TPH1: variants seen among roughly 807,000 people sequenced by gnomAD.
TPH1 encodes the protein tryptophan 5-hydroxylase 1.
Under a neutral mutation model 49.5 loss-of-function variants are expected in TPH1, and 37 were observed. The ratio of observed to expected loss-of-function variants is 0.75; its 90% confidence interval spans 0.58 to 0.98. The LOEUF (loss-of-function observed/expected upper bound fraction) is 0.98. TPH1 is among the 50% of genes least tolerant of loss of function. TPH1 has a pLI of 0.00. For synonymous variants in TPH1, 160 were observed against 182.1 expected (o/e 0.88, Z 0.98); for missense variants, 487 against 523.6 (o/e 0.93, Z 0.68).
In TPH1 at chr11:18,040,700, A is replaced by T. The variant is rs749705408; in HGVS notation, c.63T>A (p.Ile21=). 7 of 1,612,654 alleles carry T rather than the reference A, an allele frequency of 4.3e-6. No homozygotes were observed. The South Asian group carries it at 7.7e-5, about 18-fold the overall frequency. The change falls in exon 2 of 11, where the codon ATT becomes ATA. Residue 21 remains isoleucine (I), a synonymous_variant. Coordinates refer to ENST00000682019, the MANE Select transcript of TPH1 (RefSeq NM_004179.3). The part of the protein sequence containing the change: ...HSLERGRASL[I]FSLKNEVGGL... ...CTCCAACTTCATTCTTTAAGGAAAA[A>T]ATGAGACTTGCTCTTCCCCTTTCTA...
In TPH1 at chr11:18,017,694, T is replaced by G. The variant is rs929069280; in HGVS notation, c.*3297A>C. ...TAAACACTTCCTATGAATTAACATATGGACTCTATCATATGTTCCTTTAGA... is the reference window on the plus strand; with the variant it reads ...TAAACACTTCCTATGAATTAACATAGGGACTCTATCATATGTTCCTTTAGA... On this transcript the variant is annotated 3_prime_UTR_variant, in exon 11 of 11. Transcript: ENST00000682019. The G allele has an allele frequency of 6.6e-6, 1 of 152,324 alleles. No homozygotes were observed. The highest frequency in any genetic ancestry group is 2.1e-4 in the South Asian group (1 of 4,826). 9.4% of individuals were successfully genotyped at this position (152,324 alleles called of 1,614,324 possible). A position where few individuals can be genotyped will look rare whatever the true frequency, so the allele number is the denominator to read the frequency against.
At chr11:18,044,649 T>C (rs1423816007) in intron 1 of TPH1, among the ~76,000 whole-genome samples, 1 of 152,122 alleles carries the variant, frequency 6.6e-6, no homozygotes, top group African/African-American at 2.4e-5. Flanking sequence ...CAGTTATTTT[T>C]TCCTCCAGTT....
chr11:18,037,011 A>C (rs1030234491), intron 2 of TPH1, among the ~76,000 whole-genome samples: 1 of 152,188 alleles, frequency 6.6e-6, no homozygotes, highest in Non-Finnish European at 1.5e-5. Flanking sequence ...TTACGACTTA[A>C]GAGAGAGTAG....
intron 1 of TPH1, among the ~76,000 whole-genome samples, chr11:18,042,707 A>T (rs1412237970): frequency 6.6e-6 from 1 of 152,214 alleles, no homozygotes; most frequent in Non-Finnish European, 1.5e-5. Flanking sequence ...ATCTCAAGTA[A>T]TGGGGAATAT....
intron 3 of TPH1, among the ~76,000 whole-genome samples, chr11:18,035,708 G>A (rs1439331923): frequency 6.6e-6 from 1 of 152,046 alleles, no homozygotes; most frequent in East Asian, 1.9e-4. Context: ...TTACAGGCAT[G>A]AGCCACCACA....
intron 1 of TPH1, among the ~76,000 whole-genome samples, chr11:18,043,266 T>C (rs1189906652): frequency 6.6e-6 from 1 of 152,198 alleles, no homozygotes; most frequent in East Asian, 1.9e-4. Flanking sequence ...CCTGATAATT[T>C]GTCTTTCAAC....
At chr11:18,045,283 T>C (rs1284403073) in intron 1 of TPH1, among the ~76,000 whole-genome samples, 1 of 151,996 alleles carries the variant, frequency 6.6e-6, no homozygotes, top group Non-Finnish European at 1.5e-5. Flanking sequence ...AAAGTGTAGA[T>C]GAAATACAAA....
At chr11:18,021,814 C>T (rs942147359) in intron 10 of TPH1, among the ~76,000 whole-genome samples, 2 of 152,132 alleles carry the variant, frequency 1.3e-5, no homozygotes, top group Admixed American at 6.6e-5. Flanking sequence ...TTGAACCTCT[C>T]ATTTGGCACC....
At chr11:18,035,393 TTTC>T (rs1331354925) in intron 3 of TPH1, among the ~76,000 whole-genome samples, 631 of 56,220 alleles carry the variant, frequency 0.011, 3 homozygotes, top group African/African-American at 0.042. Context: ...TTTCTTTCTT[TTTC>T]TTTCTTTTTT....
intron 4 of TPH1, among the ~76,000 whole-genome samples, chr11:18,031,923 T>G (rs1246979769): frequency 6.6e-5 from 10 of 152,176 alleles, no homozygotes; most frequent in Non-Finnish European, 1.3e-4. Flanking sequence ...CTAGTGCACT[T>G]TTTACATTTT....
intron 4 of TPH1, 107 bp downstream of exon 4, chr11:18,033,167 C>T: frequency 2.3e-6 from 2 of 855,594 alleles, no homozygotes; most frequent in Non-Finnish European, 4.0e-6. Context: ...GCAGGAGAAT[C>T]ACTTGAACCC....
chr11:18,031,115 C>A (rs1346905059), intron 4 of TPH1, among the ~76,000 whole-genome samples: 1 of 152,182 alleles, frequency 6.6e-6, no homozygotes, highest in East Asian at 1.9e-4. Context: ...AATCACTCTC[C>A]AACTCCACCC....
At chr11:18,025,806 ATAATACTTTAG>A (rs1397058478) in intron 7 of TPH1, 105 bp from the exon 8 acceptor site, 1 of 1,501,510 alleles carries the variant, frequency 6.7e-7, no homozygotes, top group African/African-American at 1.4e-5. Flanking sequence ...TGATCGGGTG[ATAATACTTTAG>A]TAATGGATCA....
At position 18,021,154 on chromosome 11, in the gene TPH1, T is replaced by A. The variant is rs770403428; in HGVS notation, c.1172A>T (p.Lys391Ile). ...CACTCCAAATGGACGCTTAATTGTT[T>A]TGGTAAATTCTCTATTTAAGAAAAC... is the stretch of plus-strand genomic sequence containing the variant. ...DAKEKMREFT[K>I]TIKRPFGVKY... The change falls in exon 11 of 11, where the codon AAA (lysine) becomes ATA (isoleucine). Residue 391 changes from lysine to isoleucine, a missense_variant. By Grantham distance (102) the Lys-to-Ile change is moderately radical (BLOSUM62 -3). Transcript: ENST00000682019. 1.9e-6 allele frequency: 3 copies of A among 1,613,970 alleles called. No homozygotes were observed. The highest frequency in any genetic ancestry group is 2.5e-6 in the Non-Finnish European group (3 of 1,179,824).
intron 9 of TPH1, 156 bp from the exon 10 acceptor site, chr11:18,023,087 A>C: frequency 1.3e-6 from 1 of 772,952 alleles, no homozygotes; most frequent in Non-Finnish European, 2.1e-6. Flanking sequence ...AACCCACAGT[A>C]CACTCCAGCA....
chr11:18,036,101 T>G lies in TPH1; in HGVS notation c.159A>C (p.Ser53=), dbSNP rs774473581. Residue 53 remains serine (S), a synonymous_variant, in exon 3 of 11, where the codon TCA becomes TCC. Transcript: ENST00000682019. The part of the protein sequence containing the change: ...VNLLHIESRK[S]KRRNSEFEIF... Reference sequence around the variant, plus strand: ...TCTCAAATTCTGAGTTTCTTCTTTTTGATTTTCGGGACTCGATATGTAACA... The same window carrying G: ...TCTCAAATTCTGAGTTTCTTCTTTTGGATTTTCGGGACTCGATATGTAACA... 7 of 1,613,370 alleles carry G rather than the reference T, an allele frequency of 4.3e-6. No individual in the cohort carries two copies. In the South Asian group the frequency reaches 7.7e-5, roughly 18 times the overall value.
chr11:18,020,864 T>G lies in TPH1; in HGVS notation c.*127A>C. The G allele has an allele frequency of 1.2e-6, 1 of 851,400 alleles. No individual in the cohort carries two copies. The highest frequency in any genetic ancestry group is 2.0e-6 in the Non-Finnish European group (1 of 502,342). 52.7% of individuals were successfully genotyped at this position (851,400 alleles called of 1,614,324 possible). Reference sequence around the variant, plus strand: ...TTTCAAAGACTAGTGATTCCTTAAGTAGTGGAATTCGATAATATTGTTTGG... The same window carrying G: ...TTTCAAAGACTAGTGATTCCTTAAGGAGTGGAATTCGATAATATTGTTTGG... On this transcript the variant is annotated 3_prime_UTR_variant, in exon 11 of 11. Coordinates refer to ENST00000682019, the MANE Select transcript of TPH1 (RefSeq NM_004179.3).
In TPH1 at chr11:18,021,143, G is replaced by A. The variant is rs781553513; in HGVS notation, c.1183C>T (p.Arg395Cys). Residue 395 changes from arginine to cysteine, a missense_variant, in exon 11 of 11, where the codon CGT (arginine) becomes TGT (cysteine). Coordinates refer to ENST00000682019, the MANE Select transcript of TPH1 (RefSeq NM_004179.3). ...KMREFTKTIKRPFGVKYNPYT... is the reference protein window; with the variant it reads ...KMREFTKTIKCPFGVKYNPYT... ...GGATTATACTTCACTCCAAATGGAC[G>A]CTTAATTGTTTTGGTAAATTCTCTA... 2.5e-6 allele frequency: 4 copies of A among 1,613,782 alleles called. No homozygotes were observed. Among genetic ancestry groups the A allele is most frequent in the African/African-American group, 1.3e-5 (1 of 74,916 alleles).
chr11:18,037,542 C>A (rs1447446867), intron 2 of TPH1, among the ~76,000 whole-genome samples: 1 of 151,962 alleles, frequency 6.6e-6, no homozygotes, highest in African/African-American at 2.4e-5. Flanking sequence ...AGTTTCATTT[C>A]ATCTATTTCT....
Sources: allele counts gnomAD v4.1 joint callset (sites outside exome capture counted in the v4.1 genomes callset), GRCh38; gene constraint gnomAD v4.1.1; transcripts MANE v1.5; gene names NCBI Gene and HGNC (gene_info 2026-07-23, HGNC 2026-07-21).